The following DLG2 variants were observed in gnomAD, a reference collection of about 807,000 sequenced individuals.
DLG2 encodes discs large MAGUK scaffold protein 2.
In DLG2, 45 loss-of-function variants were observed where a neutral mutation model predicts 132.5. That is an observed-to-expected ratio of 0.34 (90% CI 0.27 to 0.44). DLG2 has a LOEUF of 0.44. Ranked by LOEUF, DLG2 falls within the 20% of genes least tolerant of loss-of-function variation. The pLI is 1.00. For synonymous variants in DLG2, 424 were observed against 419.6 expected (o/e 1.01, Z -0.13); for missense variants, 1,045 against 1,196.9 (o/e 0.87, Z 1.87).
At chr11:84,534,919 GT>G in intron 6 of DLG2, 188 bp from the exon 7 acceptor site, 1 of 728,332 alleles carries the variant, frequency 1.4e-6, no homozygotes, top group Admixed American at 1.9e-5. Flanking sequence ...GCAGAACTGA[GT>G]TAACCACGAA....
chr11:85,106,783 G>T (rs1479881571), intron 6 of DLG2, among the ~76,000 whole-genome samples: 1 of 151,952 alleles, frequency 6.6e-6, no homozygotes, highest in African/African-American at 2.4e-5. Context: ...ACTTACTAGT[G>T]GAAGAGTTAA....
rs779679809 is a variant in DLG2, at chr11:84,393,316, A to G, written c.519+141254T>C. ...CATTCTTATTAGAAGATATATGTAT[A>G]TAAAACATATATAGAAGAGTATATA... On this transcript the variant is annotated intron_variant, in intron 7 of 27. Coordinates refer to ENST00000376104, the MANE Select transcript of DLG2 (RefSeq NM_001142699.3). Among the ~76,000 whole-genome samples, 28 of 152,182 alleles carry G rather than the reference A, an allele frequency of 1.8e-4. 1 individual carries two copies. The highest frequency in any genetic ancestry group is 8.8e-5 in the Non-Finnish European group (6 of 68,008).
At chr11:83,789,584 G>C (rs1594409369) in intron 17 of DLG2, among the ~76,000 whole-genome samples, 1 of 148,982 alleles carries the variant, frequency 6.7e-6, no homozygotes, top group African/African-American at 2.5e-5. Flanking sequence ...GTCTCGCTCT[G>C]TTGCCCAGCC....
intron 11 of DLG2, among the ~76,000 whole-genome samples, chr11:84,022,184 A>C (rs2095415039): frequency 6.6e-6 from 1 of 152,190 alleles, no homozygotes; most frequent in Non-Finnish European, 1.5e-5. Flanking sequence ...GGAATTTGTC[A>C]GAAACAGCAG....
At chr11:84,188,304 T>C (rs951140653) in intron 8 of DLG2, among the ~76,000 whole-genome samples, 9 of 152,196 alleles carry the variant, frequency 5.9e-5, no homozygotes, top group African/African-American at 2.2e-4. Context: ...CAATTTGGAA[T>C]TTATTTTTAA....
At position 85,218,725 on chromosome 11, in the gene DLG2, A is replaced by C. The variant is rs191313345; in HGVS notation, c.187-64074T>G. The stretch of plus-strand genomic sequence containing the variant: ...TAATCCCATTACTAGGTATATACCT[A>C]AAAGAAAATAAGTCATTCTACCAAA... On this transcript the variant is annotated intron_variant, in intron 4 of 27. Transcript: ENST00000376104. Among the ~76,000 whole-genome samples, 534 of 152,290 alleles carry C rather than the reference A, an allele frequency of 3.5e-3. 3 individuals carry two copies. The highest frequency in any genetic ancestry group is 0.012 in the African/African-American group (497 of 41,562).
At chr11:85,211,612 T>A (rs1347541141) in intron 4 of DLG2, among the ~76,000 whole-genome samples, 1 of 152,030 alleles carries the variant, frequency 6.6e-6, no homozygotes, top group Non-Finnish European at 1.5e-5. Flanking sequence ...AAAAGGTAAA[T>A]AAGTTTGTGG....
chr11:84,257,626 G>A (rs945555175), intron 7 of DLG2, among the ~76,000 whole-genome samples: 2 of 151,064 alleles, frequency 1.3e-5, no homozygotes, highest in Non-Finnish European at 2.9e-5. Context: ...TGGCTCCAGA[G>A]CCATGTTCTA....
At chr11:85,333,922 G>T (rs569260011) in intron 3 of DLG2, among the ~76,000 whole-genome samples, 154 of 151,652 alleles carry the variant, frequency 1.0e-3, no homozygotes, top group Non-Finnish European at 1.0e-3. Context: ...GACAGGTTTT[G>T]GTATCAGAAT....
At chr11:84,580,683 G>A (rs918404327) in intron 6 of DLG2, among the ~76,000 whole-genome samples, 2 of 152,176 alleles carry the variant, frequency 1.3e-5, no homozygotes, top group Non-Finnish European at 1.5e-5. Flanking sequence ...ACACTAAAAC[G>A]TGGAAAGGAA....
At chr11:83,866,842 ATG>A (rs2062483615) in intron 16 of DLG2, among the ~76,000 whole-genome samples, 1 of 152,150 alleles carries the variant, frequency 6.6e-6, no homozygotes, top group African/African-American at 2.4e-5. Context: ...AGCCCGCAGT[ATG>A]TGAGTCCACT....
chr11:84,074,337 T>C (rs540544709), intron 10 of DLG2, among the ~76,000 whole-genome samples: 1 of 152,198 alleles, frequency 6.6e-6, no homozygotes, highest in Non-Finnish European at 1.5e-5. Flanking sequence ...CTTCACCCTC[T>C]ACATCCAATC....
rs186644084 is a variant in DLG2 at position 84,503,764 on chromosome 11, C to A, written c.519+30806G>T. Among the ~76,000 whole-genome samples, 435 of 152,284 alleles carry A rather than the reference C, an allele frequency of 2.9e-3. 4 individuals carry two copies. The highest frequency in any genetic ancestry group is 9.8e-3 in the African/African-American group (406 of 41,560). ...CTTAGAATTTTAATAAAAACCCAGACCTACTCAAAAACTAGACCTCAGTGA... is the reference window on the plus strand; with the variant it reads ...CTTAGAATTTTAATAAAAACCCAGAACTACTCAAAAACTAGACCTCAGTGA... On this transcript the variant is annotated intron_variant, in intron 7 of 27. Coordinates refer to ENST00000376104, the MANE Select transcript of DLG2 (RefSeq NM_001142699.3).
chr11:84,407,394 A>G (rs984574923), intron 7 of DLG2, among the ~76,000 whole-genome samples: 3 of 152,072 alleles, frequency 2.0e-5, no homozygotes, highest in African/African-American at 7.2e-5. Context: ...TACTGTGGCC[A>G]CTATCTCTCC....
In DLG2 at chr11:85,407,524, T is replaced by C. The variant is rs557283097; in HGVS notation, c.41-122159A>G. On this transcript the variant is annotated intron_variant, in intron 3 of 27. Coordinates refer to ENST00000376104, the MANE Select transcript of DLG2 (RefSeq NM_001142699.3). ...GTGTCAGACCCTGTTCTATCATATCTAATATTAGATTTCCTTCTGAAGTGG... is the reference window on the plus strand; with the variant it reads ...GTGTCAGACCCTGTTCTATCATATCCAATATTAGATTTCCTTCTGAAGTGG... 5.9e-5 allele frequency among the ~76,000 whole-genome samples: 9 copies of C among 152,022 alleles called. No homozygotes were observed. The South Asian group carries it at 1.9e-3, about 32-fold the overall frequency.
At chr11:84,296,196 G>C (rs2098086287) in intron 7 of DLG2, among the ~76,000 whole-genome samples, 2 of 151,786 alleles carry the variant, frequency 1.3e-5, no homozygotes, top group Admixed American at 1.3e-4. Context: ...AGCAATGTTT[G>C]GCTTTTTTTT....
chr11:83,995,375 C>T (rs1477512343), intron 11 of DLG2, among the ~76,000 whole-genome samples: 5 of 152,056 alleles, frequency 3.3e-5, no homozygotes, highest in Non-Finnish European at 5.9e-5. Context: ...CCAGAAGTGC[C>T]ATGTTAAAAA....
intron 6 of DLG2, among the ~76,000 whole-genome samples, chr11:84,825,530 G>A (rs886226244): frequency 3.9e-5 from 6 of 151,902 alleles, no homozygotes; most frequent in African/African-American, 1.4e-4. Flanking sequence ...CTGTGATAAA[G>A]TTGTATTTCT....
intron 6 of DLG2, among the ~76,000 whole-genome samples, chr11:84,969,655 C>G (rs542713362): frequency 6.6e-6 from 1 of 152,196 alleles, no homozygotes; most frequent in South Asian, 2.1e-4. Flanking sequence ...AGGAATATAT[C>G]TTATGTCATG....
Sources: allele counts gnomAD v4.1 joint callset (sites outside exome capture counted in the v4.1 genomes callset), GRCh38; gene constraint gnomAD v4.1.1; transcripts MANE v1.5; gene names NCBI Gene and HGNC (gene_info 2026-07-23, HGNC 2026-07-21).